Variants in BICD1 observed in about 807,000 individuals in gnomAD.
BICD1 encodes protein bicaudal D homolog 1.
In BICD1, 35 loss-of-function variants were observed where a neutral mutation model predicts 92.5. The observed-to-expected ratio is 0.38, with a 90% CI of 0.29 to 0.50. The LOEUF (loss-of-function observed/expected upper bound fraction) is 0.50, where lower values mean the gene tolerates loss of function less well. Among genes scored for constraint, BICD1 ranks in the 20% least tolerant of loss-of-function variants. The probability of loss-of-function intolerance (pLI) is 0.93; values close to 1 mark genes in which losing one functional copy is unlikely to be tolerated. For missense variants in BICD1, 950 were observed against 1,189.8 expected, an observed-to-expected ratio of 0.80 and a Z score of 2.97; for synonymous variants, 429 against 465.1, an observed-to-expected ratio of 0.92 and a Z score of 1.00.
intron 1 of BICD1, among the ~76,000 whole-genome samples, chr12:32,144,712 G>A (rs962274082): frequency 1.3e-5 from 2 of 152,148 alleles, no homozygotes; most frequent in Non-Finnish European, 2.9e-5. Context: ...ATTATCTACT[G>A]AAACCTTTTA....
At chr12:32,138,977 A>G (rs1942819616) in intron 1 of BICD1, among the ~76,000 whole-genome samples, 1 of 152,120 alleles carries the variant, frequency 6.6e-6, no homozygotes, top group Non-Finnish European at 1.5e-5. Context: ...ATTTTGATTA[A>G]TTTATATCCT....
At chr12:32,368,930 T>C (rs530439056) in intron 9 of BICD1, among the ~76,000 whole-genome samples, 4 of 152,052 alleles carry the variant, frequency 2.6e-5, no homozygotes, top group African/African-American at 9.7e-5. Context: ...AATAGATAGA[T>C]AGACAGACAG....
intron 1 of BICD1, among the ~76,000 whole-genome samples, chr12:32,168,029 T>TGA (rs1460029603): frequency 6.6e-6 from 1 of 152,092 alleles, no homozygotes; most frequent in Non-Finnish European, 1.5e-5. Flanking sequence ...TGTGTGTGTG[T>TGA]GTGTGTGTAT....
intron 3 of BICD1, among the ~76,000 whole-genome samples, chr12:32,300,762 A>G (rs886231447): frequency 5.5e-5 from 8 of 145,466 alleles, no homozygotes; most frequent in Non-Finnish European, 1.0e-4. Flanking sequence ...CTCCTGCCTC[A>G]GCCTCCTGAG....
intron 1 of BICD1, among the ~76,000 whole-genome samples, chr12:32,196,871 C>T (rs1284691536): frequency 6.6e-6 from 1 of 152,152 alleles, no homozygotes; most frequent in Non-Finnish European, 1.5e-5. Context: ...TATATCAAAT[C>T]ATCATGTTGT....
At chr12:32,365,911 C>T (rs1484090402) in intron 8 of BICD1, among the ~76,000 whole-genome samples, 1 of 152,264 alleles carries the variant, frequency 6.6e-6, no homozygotes, top group African/African-American at 2.4e-5. Context: ...TCTGAGAAAA[C>T]AGATTTGTTA....
intron 1 of BICD1, among the ~76,000 whole-genome samples, chr12:32,191,688 AATAC>A (rs1241412013): frequency 2.0e-5 from 3 of 147,796 alleles, no homozygotes; most frequent in East Asian, 1.9e-4. Context: ...TATTATATAT[AATAC>A]ATATATATTA....
At chr12:32,302,574 G>A (rs1160833414) in intron 3 of BICD1, among the ~76,000 whole-genome samples, 1 of 152,132 alleles carries the variant, frequency 6.6e-6, no homozygotes, top group Non-Finnish European at 1.5e-5. Context: ...TTTGTAACAT[G>A]CTATTTATAG....
intron 1 of BICD1, among the ~76,000 whole-genome samples, chr12:32,166,234 C>T (rs1565559310): frequency 6.6e-6 from 1 of 151,880 alleles, no homozygotes; most frequent in Non-Finnish European, 1.5e-5. Context: ...TTCCTGGGTT[C>T]AAGCGATTCT....
rs780960219 is a variant in BICD1 at position 32,328,157 on chromosome 12, G to A, written c.1702G>A (p.Val568Met). 2 of 1,614,172 alleles carry A rather than the reference G, an allele frequency of 1.2e-6. No homozygotes were observed. The highest frequency in any genetic ancestry group is 1.3e-5 in the African/African-American group (1 of 75,036). Residue 568 changes from valine (V) to methionine (M), a missense_variant, in exon 5 of 10, where the codon GTG (valine) becomes ATG (methionine). This residue lies in a region of BICD1 where 309 missense variants were observed against 499.4 expected (regional missense o/e 0.62). Transcript: ENST00000652176. This position sits in a 1 kb window ranked among gnomAD's most constrained non-coding sequence, Gnocchi z 4.4. ...GTCCCCACGATTAGCCAGGCGGGGTGTGTCATCCCCGGTAGAAACAAGGAC... is the reference window on the plus strand; with the variant it reads ...GTCCCCACGATTAGCCAGGCGGGGTATGTCATCCCCGGTAGAAACAAGGAC... ...LLSPRLARRG[V>M]SSPVETRTSS...
intron 1 of BICD1, among the ~76,000 whole-genome samples, chr12:32,155,929 T>C (rs1014811767): frequency 6.6e-6 from 1 of 152,228 alleles, no homozygotes; most frequent in Non-Finnish European, 1.5e-5. Flanking sequence ...CCTGGACATA[T>C]CTAGCAATTC....
chr12:32,162,834 A>G (rs7135335), intron 1 of BICD1, among the ~76,000 whole-genome samples: 18,463 of 151,954 alleles, frequency 0.12, 1,555 homozygotes, highest in East Asian at 0.35. Context: ...ACAAACAAAA[A>G]AATTAGCCAG....
At chr12:32,111,713 T>G (rs967478091) in intron 1 of BICD1, among the ~76,000 whole-genome samples, 1 of 152,000 alleles carries the variant, frequency 6.6e-6, no homozygotes, top group Non-Finnish European at 1.5e-5. Context: ...GTTCACGCCA[T>G]TCTCCTGCCT....
chr12:32,166,486 A>G (rs1565559564), intron 1 of BICD1, among the ~76,000 whole-genome samples: 1 of 152,148 alleles, frequency 6.6e-6, no homozygotes, highest in Non-Finnish European at 1.5e-5. Context: ...TCTGGCATCT[A>G]GTGGGTAGAA....
Position 32,338,835 on chromosome 12 carries a change from G to A in BICD1, c.2620G>A (p.Ala874Thr), listed in dbSNP as rs201853036. Residue 874 changes from alanine to threonine, a missense_variant, in exon 8 of 10, where the codon GCT (alanine) becomes ACT (threonine). By Grantham distance (58) the Ala-to-Thr change is moderately conservative (BLOSUM62 0). Coordinates refer to ENST00000652176, the MANE Select transcript of BICD1 (RefSeq NM_001714.4). The part of the protein sequence containing the change: ...CDQSRPRTSG[A>T]SYLQNLLRVP... ...TCAGAGCCGTCCCAGGACTTCAGGGGCTTCCTACCTACAGAATTTATTAAG... is the reference window on the plus strand; with the variant it reads ...TCAGAGCCGTCCCAGGACTTCAGGGACTTCCTACCTACAGAATTTATTAAG... The A allele has an allele frequency of 1.9e-6, 3 of 1,604,986 alleles. No individual in the cohort carries two copies. The highest frequency in any genetic ancestry group is 1.7e-4 in the Middle Eastern group (1 of 6,042).
intron 2 of BICD1, among the ~76,000 whole-genome samples, chr12:32,285,454 T>G (rs897572445): frequency 1.3e-5 from 2 of 152,192 alleles, no homozygotes; most frequent in Admixed American, 6.5e-5. Flanking sequence ...TATAAAAGAC[T>G]AAGAGCATTA....
At chr12:32,377,517 A>G in intron 9 of BICD1, 23 bp from the exon 10 acceptor site, 1 of 1,596,962 alleles carries the variant, frequency 6.3e-7, no homozygotes, top group Non-Finnish European at 8.6e-7. Flanking sequence ...TTTCTTGCTG[A>G]CGTGCTTGTT....
chr12:32,107,522 A>T lies in BICD1; in HGVS notation c.191A>T (p.Gln64Leu), dbSNP rs760902488. The part of the protein sequence containing the change: ...ELEAEYDSLK[Q>L]ELEQLKEAFG... Reference sequence around the variant, plus strand: ...GAGGCTGAGTACGACAGCCTCAAACAGGAGCTGGAGCAGCTCAAAGAGGTG... The same window carrying T: ...GAGGCTGAGTACGACAGCCTCAAACTGGAGCTGGAGCAGCTCAAAGAGGTG... The change falls in exon 1 of 10, where the codon CAG becomes CTG. Residue 64 changes from glutamine (Q) to leucine (L), a missense_variant. This residue lies in a region of BICD1 where 202 missense variants were observed against 205.3 expected (regional missense o/e 0.98). Transcript: ENST00000652176. 9 of 1,596,464 alleles carry T rather than the reference A, an allele frequency of 5.6e-6. 1 individual carries two copies. In the South Asian group the frequency reaches 1.0e-4, roughly 18 times the overall value.
At chr12:32,167,556 A>G (rs1943803350) in intron 1 of BICD1, among the ~76,000 whole-genome samples, 1 of 151,968 alleles carries the variant, frequency 6.6e-6, no homozygotes, top group South Asian at 2.1e-4. Context: ...CCTGGGTTCA[A>G]GTGATTCTCT....
Sources: gnomAD v4.1 joint callset for allele counts (sites outside exome capture counted in the v4.1 genomes callset) on GRCh38, gnomAD v4.1.1 for gene constraint, gnomAD v4.1.1 regional missense constraint, Gnocchi (gnomAD v3.1) non-coding constraint, MANE v1.5 for transcripts, NCBI Gene and HGNC (gene_info 2026-07-23, HGNC 2026-07-21) for gene names.